The following PHF21B variants were observed in gnomAD, a reference collection of about 807,000 sequenced individuals.
PHF21B encodes PHD finger protein 4.
In PHF21B, 22 loss-of-function variants were observed where a neutral mutation model predicts 62.2. That is an observed-to-expected ratio of 0.35 (90% confidence interval 0.25 to 0.51). PHF21B has a LOEUF of 0.51. PHF21B is among the 20% of genes least tolerant of loss of function. PHF21B has a pLI of 0.97. For missense variants in PHF21B, 701 were observed against 707.9 expected (o/e 0.99, Z 0.11); for synonymous variants, 341 against 314.7 (o/e 1.08, Z -0.88).
intron 2 of PHF21B, among the ~76,000 whole-genome samples, chr22:44,997,289 A>T (rs1414197724): frequency 6.6e-6 from 1 of 152,134 alleles, no homozygotes; most frequent in African/African-American, 2.4e-5. Context: ...TGACGTGCCC[A>T]CTTCTGCCAC....
At chr22:44,901,140 C>G (rs2071151961) in intron 5 of PHF21B, among the ~76,000 whole-genome samples, 1 of 152,200 alleles carries the variant, frequency 6.6e-6, no homozygotes, top group Non-Finnish European at 1.5e-5. Flanking sequence ...GCAGCTCGGC[C>G]AATCAGTACC....
intron 2 of PHF21B, among the ~76,000 whole-genome samples, chr22:45,005,059 G>C (rs141246550): frequency 1.5e-3 from 225 of 152,370 alleles, no homozygotes; most frequent in African/African-American, 5.1e-3. Context: ...GCTGTGCTCG[G>C]AACTCCGAAG....
chr22:44,902,237 C>A, intron 5 of PHF21B: 1 of 203,164 alleles, frequency 4.9e-6, no homozygotes. Context: ...GAACCCCAGA[C>A]ACCAGAAAGG....
intron 2 of PHF21B, chr22:44,989,090 A>C (rs1230023104): frequency 6.6e-6 from 1 of 152,236 alleles, no homozygotes; most frequent in Non-Finnish European, 1.5e-5. Flanking sequence ...TACTTCAAGA[A>C]GGGCACAGCG....
chr22:44,972,192 T>C (rs1049206874), intron 2 of PHF21B, among the ~76,000 whole-genome samples: 1 of 152,254 alleles, frequency 6.6e-6, no homozygotes, highest in Non-Finnish European at 1.5e-5. Context: ...CTTTGTATTC[T>C]TCATCAACTT....
chr22:44,949,039 A>G lies in PHF21B; in HGVS notation c.121-28549T>C, dbSNP rs185445824. Reference sequence around the variant, plus strand: ...AGGTAGGGGCCGGGCGCGGTGGCTCACGCCTGTAATCCCAGCACTTTGGGA... The same window carrying G: ...AGGTAGGGGCCGGGCGCGGTGGCTCGCGCCTGTAATCCCAGCACTTTGGGA... On this transcript the variant is annotated intron_variant, in intron 2 of 12. Transcript: ENST00000313237. Among the ~76,000 whole-genome samples, 859 of 152,362 alleles carry G rather than the reference A, an allele frequency of 5.6e-3. 7 individuals carry two copies. Among genetic ancestry groups the G allele is most frequent in the African/African-American group, 0.019 (799 of 41,584 alleles).
At chr22:44,889,933 C>A (rs1465968995) in intron 8 of PHF21B, 151 bp from the exon 9 acceptor site, 4 of 726,642 alleles carry the variant, frequency 5.5e-6, no homozygotes, top group South Asian at 5.7e-5. Context: ...TGGGCTCTCA[C>A]CCCAGGGCAT....
At chr22:44,885,968 G>A (rs759753462) in intron 10 of PHF21B, 30 bp from the exon 11 acceptor site, 9 of 1,608,058 alleles carry the variant, frequency 5.6e-6, no homozygotes, top group South Asian at 3.3e-5. Context: ...ATGAAAAAGT[G>A]GACAGGCCCT....
chr22:44,937,131 G>T (rs944169623), intron 2 of PHF21B, among the ~76,000 whole-genome samples: 4 of 152,144 alleles, frequency 2.6e-5, no homozygotes, highest in Non-Finnish European at 4.4e-5. Context: ...CTCCCAAACT[G>T]CTGGGATTAC....
chr22:44,902,576 A>C (rs1449846679), intron 5 of PHF21B: 2 of 153,720 alleles, frequency 1.3e-5, no homozygotes, highest in East Asian at 3.7e-4. Context: ...CTATGCATCC[A>C]TTTCTGGGAT....
chr22:44,927,959 G>C (rs4358235), intron 2 of PHF21B, among the ~76,000 whole-genome samples: 50,501 of 152,066 alleles, frequency 0.33, 9,602 homozygotes, highest in Non-Finnish European at 0.42. Flanking sequence ...AGTCTGGGGC[G>C]GGGCGGGGCA....
chr22:44,930,396 C>T (rs1302562193), intron 2 of PHF21B, among the ~76,000 whole-genome samples: 1 of 152,130 alleles, frequency 6.6e-6, no homozygotes, highest in African/African-American at 2.4e-5. Flanking sequence ...ACTATAGGGC[C>T]CTTTGTATAT....
chr22:44,896,971 G>T (rs2071072641), intron 5 of PHF21B, among the ~76,000 whole-genome samples: 1 of 141,678 alleles, frequency 7.1e-6, no homozygotes, highest in Non-Finnish European at 1.5e-5. Flanking sequence ...TTCAATCTCT[G>T]GGGTTCAAGT....
chr22:44,920,235 A>G (rs1206231266), intron 3 of PHF21B, among the ~76,000 whole-genome samples, 163 bp downstream of exon 3: 1 of 152,210 alleles, frequency 6.6e-6, no homozygotes, highest in East Asian at 1.9e-4. Context: ...AAATGTTTCC[A>G]TTGAAGAATG....
chr22:44,885,722 T>A (rs1043116403), intron 11 of PHF21B, 141 bp downstream of exon 11: 4 of 1,072,500 alleles, frequency 3.7e-6, no homozygotes, highest in Non-Finnish European at 5.5e-6. Context: ...ACAGGACCGG[T>A]CCCAGGATCC....
intron 5 of PHF21B, among the ~76,000 whole-genome samples, chr22:44,898,489 G>A (rs1419171367): frequency 3.9e-5 from 6 of 152,036 alleles, no homozygotes; most frequent in Non-Finnish European, 7.4e-5. Context: ...ATACTTATTG[G>A]GAATAAGTCA....
At chr22:44,933,690 G>A (rs962472524) in intron 2 of PHF21B, among the ~76,000 whole-genome samples, 2 of 151,578 alleles carry the variant, frequency 1.3e-5, no homozygotes, top group South Asian at 2.1e-4. Flanking sequence ...TCCAGGAGAC[G>A]AGTATCTGGA....
chr22:44,946,635 A>G (rs5766223), intron 2 of PHF21B, among the ~76,000 whole-genome samples: 104,470 of 151,504 alleles, frequency 0.69, 38,458 homozygotes, highest in East Asian at 0.89. Flanking sequence ...GGGTGGATGG[A>G]TGGATGGGTG....
chr22:44,939,703 G>A (rs574449800), intron 2 of PHF21B, among the ~76,000 whole-genome samples: 1 of 152,202 alleles, frequency 6.6e-6, no homozygotes, highest in African/African-American at 2.4e-5. Context: ...GGTGGGAGCA[G>A]GGCTAGGGAG....
Sources: allele counts gnomAD v4.1 joint callset (sites outside exome capture counted in the v4.1 genomes callset), GRCh38; gene constraint gnomAD v4.1.1; transcripts MANE v1.5; gene names NCBI Gene and HGNC (gene_info 2026-07-23, HGNC 2026-07-21).